The following KANSL3 variants were observed in gnomAD, a reference collection of about 807,000 sequenced individuals.
KANSL3 encodes the protein NSL complex protein NSL3.
Under a neutral mutation model 89.2 loss-of-function variants are expected in KANSL3, and 16 were observed. The ratio of observed to expected loss-of-function variants is 0.18; its 90% CI spans 0.12 to 0.27. The LOEUF is 0.27. KANSL3 is among the 10% of genes least tolerant of loss of function. The pLI, the probability that KANSL3 is intolerant of heterozygous loss-of-function variation, is 1.00. For synonymous variants in KANSL3, 385 were observed against 419.7 expected, an observed-to-expected ratio of 0.92 and a Z score of 1.01; for missense variants, 879 against 1,110.6, an observed-to-expected ratio of 0.79 and a Z score of 2.96.
At chr2:96,609,980 A>AT (rs2068635794) in intron 11 of KANSL3, among the ~76,000 whole-genome samples, 1 of 147,528 alleles carries the variant, frequency 6.8e-6, no homozygotes, top group Non-Finnish European at 1.5e-5. Context: ...AAAAAAAAAA[A>AT]GCTCAAGGTC....
At chr2:96,611,891 A>C (rs1174402900) in intron 9 of KANSL3, among the ~76,000 whole-genome samples, 3 of 82,892 alleles carry the variant, frequency 3.6e-5, no homozygotes, top group African/African-American at 1.6e-4. Context: ...TTTTCCACAG[A>C]TATATACCCA....
chr2:96,592,151 C>T (rs2066286991), downstream of KANSL3, among the ~76,000 whole-genome samples: 1 of 152,066 alleles, frequency 6.6e-6, no homozygotes, highest in Non-Finnish European at 1.5e-5. Flanking sequence ...AGGGAGAAGA[C>T]AGCAAACCAG....
intron 14 of KANSL3, 88 bp from the exon 15 acceptor site, chr2:96,605,599 G>T: frequency 9.2e-7 from 1 of 1,087,468 alleles, no homozygotes; most frequent in Non-Finnish European, 1.4e-6. Context: ...ACAGCCATGT[G>T]TAGAATGTAG....
At chr2:96,585,613 G>T in the KANSL3 span, among the ~76,000 whole-genome samples, 2 of 152,064 alleles carry the variant, frequency 1.3e-5, no homozygotes, top group African/African-American at 4.8e-5. Flanking sequence ...CCACTACTGG[G>T]TATCTACCCA....
chr2:96,633,848 G>A (rs1326335830), intron 2 of KANSL3, among the ~76,000 whole-genome samples: 1 of 152,154 alleles, frequency 6.6e-6, no homozygotes, highest in Non-Finnish European at 1.5e-5. Context: ...CTGGGTGACA[G>A]AGCAAGACTC....
intron 12 of KANSL3, 51 bp from the exon 13 acceptor site, chr2:96,609,115 G>A: frequency 6.8e-7 from 1 of 1,464,038 alleles, no homozygotes; most frequent in Non-Finnish European, 9.4e-7. Context: ...TCTGGAGAAT[G>A]GGAACCTCTC....
downstream of KANSL3, among the ~76,000 whole-genome samples, chr2:96,588,213 C>A (rs550352707): frequency 2.0e-5 from 3 of 151,014 alleles, no homozygotes; most frequent in East Asian, 3.9e-4. Flanking sequence ...CATATTCAAA[C>A]CTGAAAATTA....
chr2:96,609,857 T>C (rs1003991825), intron 11 of KANSL3, among the ~76,000 whole-genome samples: 4 of 137,328 alleles, frequency 2.9e-5, no homozygotes, highest in Non-Finnish European at 3.0e-5. Context: ...GCTTAATAGA[T>C]CAACTCTATC....
At chr2:96,614,358 T>C (rs1451223245) in intron 5 of KANSL3, among the ~76,000 whole-genome samples, 1 of 152,210 alleles carries the variant, frequency 6.6e-6, no homozygotes, top group Non-Finnish European at 1.5e-5. Flanking sequence ...CCTCCTCAAG[T>C]GCTGGGATTA....
chr2:96,603,085 G>A (rs1017003552), intron 17 of KANSL3, among the ~76,000 whole-genome samples: 1 of 152,164 alleles, frequency 6.6e-6, no homozygotes, highest in Non-Finnish European at 1.5e-5. Context: ...GACTTGCTCT[G>A]CACCTGCTGC....
At chr2:96,607,636 C>A (rs962625684) in intron 14 of KANSL3, among the ~76,000 whole-genome samples, 1 of 152,222 alleles carries the variant, frequency 6.6e-6, no homozygotes, top group Non-Finnish European at 1.5e-5. Context: ...TCCACTCACA[C>A]TTCTACTCCT....
At chr2:96,590,733 C>T (rs2104766268), downstream of KANSL3, among the ~76,000 whole-genome samples, 1 of 152,124 alleles carries the variant, frequency 6.6e-6, no homozygotes, top group Non-Finnish European at 1.5e-5. Flanking sequence ...CCTGTAATCC[C>T]AGCACTTTGG....
intron 2 of KANSL3, among the ~76,000 whole-genome samples, chr2:96,635,680 T>A (rs1298063572): frequency 6.6e-6 from 1 of 152,204 alleles, no homozygotes; most frequent in Non-Finnish European, 1.5e-5. Flanking sequence ...AAAGACACTA[T>A]TCTGCACATG....
chr2:96,609,120 C>A (rs1056188723), intron 12 of KANSL3, 56 bp from the exon 13 acceptor site: 5 of 1,432,012 alleles, frequency 3.5e-6, no homozygotes, highest in East Asian at 2.5e-5. Flanking sequence ...AGAATGGGAA[C>A]CTCTCATATA....
downstream of KANSL3, among the ~76,000 whole-genome samples, chr2:96,592,960 G>A (rs993124750): frequency 6.6e-6 from 1 of 151,416 alleles, no homozygotes; most frequent in Non-Finnish European, 1.5e-5. Flanking sequence ...CCAAGATCGC[G>A]CCATTGCACT....
chr2:96,582,830 A>C, the KANSL3 span, among the ~76,000 whole-genome samples: 2 of 152,254 alleles, frequency 1.3e-5, no homozygotes, highest in Non-Finnish European at 2.9e-5. Flanking sequence ...ACTAGACTCA[A>C]ACTGCATATT....
rs746091012 is a variant in KANSL3 at position 96,595,370 on chromosome 2, TGAG to T, written c.*238_*240del. On this transcript the variant is annotated 3_prime_UTR_variant, in exon 21 of 21. Coordinates refer to ENST00000431828, the MANE Select transcript of KANSL3 (RefSeq NM_001115016.3). Reference sequence around the variant, plus strand: ...CTGATCCATGTACAGCCAGATCTGCTGAGGAGTCTGGGGTTCCCAGGAACCAGA... The same window carrying T: ...CTGATCCATGTACAGCCAGATCTGCTGAGTCTGGGGTTCCCAGGAACCAGA... 2.5e-5 allele frequency: 13 copies of T among 518,674 alleles called. No homozygotes were observed. Among genetic ancestry groups the T allele is most frequent in the African/African-American group, 3.8e-5 (2 of 52,260 alleles). 32.1% of individuals were successfully genotyped at this position (518,674 alleles called of 1,614,324 possible). A position where few individuals can be genotyped will look rare whatever the true frequency, so the allele number is the denominator to read the frequency against.
chr2:96,630,772 G>T (rs1334143703), intron 3 of KANSL3, among the ~76,000 whole-genome samples: 1 of 152,136 alleles, frequency 6.6e-6, no homozygotes, highest in African/African-American at 2.4e-5. Flanking sequence ...GTCCCCTGGG[G>T]GCAGTAGAAA....
At chr2:96,602,938 C>A in intron 17 of KANSL3, 76 bp from the exon 18 acceptor site, 1 of 1,361,856 alleles carries the variant, frequency 7.3e-7, no homozygotes, top group South Asian at 1.2e-5. Flanking sequence ...ATCCATCCAC[C>A]CTCACCACCA....
Sources: gnomAD v4.1 joint callset for allele counts (sites outside exome capture counted in the v4.1 genomes callset) on GRCh38, gnomAD v4.1.1 for gene constraint, MANE v1.5 for transcripts, NCBI Gene and HGNC (gene_info 2026-07-23, HGNC 2026-07-21) for gene names.